LRRC37A2: variants seen among roughly 807,000 people sequenced by gnomAD.
The protein encoded by LRRC37A2 is leucine-rich repeat-containing protein 37A2.
In LRRC37A2, 9 loss-of-function variants were observed where a neutral mutation model predicts 68.8. The observed-to-expected ratio is 0.13, with a 90% confidence interval of 0.08 to 0.23. The LOEUF (loss-of-function observed/expected upper bound fraction) is 0.23, where lower values mean the gene tolerates loss of function less well. Ranked by LOEUF, LRRC37A2 falls within the 10% of genes least tolerant of loss-of-function variation. LRRC37A2 has a pLI of 1.00. For synonymous variants in LRRC37A2, 63 were observed against 367.6 expected, an observed-to-expected ratio of 0.17 and a Z score of 9.48; for missense variants, 168 against 950.4, an observed-to-expected ratio of 0.18 and a Z score of 10.82.
At chr17:46,920,951 T>C in the LRRC37A2 span, among the ~76,000 whole-genome samples, 1 of 151,960 alleles carries the variant, frequency 6.6e-6, no homozygotes, top group Non-Finnish European at 1.5e-5. Flanking sequence ...CCTTAACCAA[T>C]ACAAGTAAAA....
the LRRC37A2 span, among the ~76,000 whole-genome samples, chr17:46,732,093 G>A: frequency 1.3e-4 from 20 of 152,158 alleles, no homozygotes; most frequent in Non-Finnish European, 2.6e-4. Flanking sequence ...TTGTAGAAAT[G>A]CATAGAGTGA....
intron 3 of LRRC37A2, among the ~76,000 whole-genome samples, chr17:46,517,680 CTT>C (rs1180779573): frequency 1.4e-3 from 1 of 706 alleles, no homozygotes; most frequent in African/African-American, 0.015. Flanking sequence ...TTTTTGTTCT[CTT>C]TTTTTTTTTT....
the LRRC37A2 span, among the ~76,000 whole-genome samples, chr17:46,893,016 A>G: frequency 2.0e-5 from 3 of 151,810 alleles, no homozygotes; most frequent in African/African-American, 7.3e-5. Flanking sequence ...GCACACTGCA[A>G]CCTCTGCCTC....
the LRRC37A2 span, among the ~76,000 whole-genome samples, chr17:46,881,944 T>C: frequency 1.3e-5 from 2 of 152,194 alleles, no homozygotes; most frequent in South Asian, 4.1e-4. Context: ...AAAAATTATC[T>C]ACTACATAGT....
the LRRC37A2 span, among the ~76,000 whole-genome samples, chr17:46,942,240 C>CG: frequency 2.6e-5 from 4 of 152,294 alleles, no homozygotes; most frequent in South Asian, 8.3e-4. Context: ...CTGTCTCAAC[C>CG]GGGGGGTGAC....
the LRRC37A2 span, among the ~76,000 whole-genome samples, chr17:47,012,392 C>A: frequency 6.6e-6 from 1 of 151,952 alleles, no homozygotes; most frequent in African/African-American, 2.4e-5. Flanking sequence ...AATTGCATAT[C>A]ATCAAAATTA....
At chr17:46,783,167 G>T in the LRRC37A2 span, among the ~76,000 whole-genome samples, 1 of 152,206 alleles carries the variant, frequency 6.6e-6, no homozygotes, top group African/African-American at 2.4e-5. Context: ...GGAAGGGAAG[G>T]GTGAGGGTAG....
the LRRC37A2 span, among the ~76,000 whole-genome samples, chr17:46,847,995 T>TGTGTGC: frequency 2.0e-5 from 3 of 149,424 alleles, no homozygotes; most frequent in African/African-American, 7.4e-5. Context: ...TGTGTGTGTG[T>TGTGTGC]GCACGTGCAT....
the LRRC37A2 span, among the ~76,000 whole-genome samples, chr17:47,013,779 T>C: frequency 6.6e-6 from 1 of 152,206 alleles, no homozygotes; most frequent in Non-Finnish European, 1.5e-5. Context: ...GTGAAGAGAT[T>C]GTAAATATCA....
At chr17:46,711,124 G>A in the LRRC37A2 span, 1 of 1,493,298 alleles carries the variant, frequency 6.7e-7, no homozygotes, top group Non-Finnish European at 8.9e-7. Context: ...TGGAAGGTGA[G>A]AATGAATGAG....
chr17:46,831,066 A>C, the LRRC37A2 span: 1 of 279,958 alleles, frequency 3.6e-6, no homozygotes, highest in African/African-American at 2.2e-5. Flanking sequence ...TGTAAAGAAA[A>C]GTGTTCAAAA....
chr17:46,887,446 C>A, the LRRC37A2 span, among the ~76,000 whole-genome samples: 3,933 of 151,766 alleles, frequency 0.026, 80 homozygotes, highest in Middle Eastern at 0.054. Context: ...AAAAAAATCT[C>A]TATATAGATA....
At chr17:46,678,913 A>T in the LRRC37A2 span, among the ~76,000 whole-genome samples, 2 of 144,390 alleles carry the variant, frequency 1.4e-5, no homozygotes, top group African/African-American at 5.3e-5. Flanking sequence ...TAAATGGATG[A>T]ATGATCATAG....
the LRRC37A2 span, chr17:46,932,290 G>C: frequency 3.4e-6 from 5 of 1,476,852 alleles, no homozygotes; most frequent in Non-Finnish European, 4.7e-6. Context: ...TTTTGGGGGT[G>C]TCTGAAGAAG....
chr17:46,743,519 C>G, the LRRC37A2 span, among the ~76,000 whole-genome samples: 1 of 152,206 alleles, frequency 6.6e-6, no homozygotes, highest in Non-Finnish European at 1.5e-5. Context: ...ATAATCTACC[C>G]CAAATCACAC....
the LRRC37A2 span, among the ~76,000 whole-genome samples, chr17:46,759,049 A>G: frequency 6.2e-4 from 94 of 152,294 alleles, 1 homozygote; most frequent in African/African-American, 2.2e-3. Context: ...TACTAAAAAT[A>G]CACAATTAGC....
the LRRC37A2 span, among the ~76,000 whole-genome samples, chr17:46,867,743 C>T: frequency 3.6e-4 from 55 of 152,208 alleles, no homozygotes; most frequent in African/African-American, 8.2e-4. Flanking sequence ...AAGGAGGTTC[C>T]AGGAGGATCA....
the LRRC37A2 span, among the ~76,000 whole-genome samples, chr17:46,816,249 TTC>T: frequency 2.0e-5 from 3 of 151,228 alleles, no homozygotes; most frequent in African/African-American, 7.3e-5. Context: ...ACTTCTAGAC[TTC>T]TCTCTGTCTC....
chr17:46,847,744 T>A, the LRRC37A2 span, among the ~76,000 whole-genome samples: 2 of 151,932 alleles, frequency 1.3e-5, no homozygotes, highest in African/African-American at 2.4e-5. Flanking sequence ...TTGAGGGAGA[T>A]TAGAGGAGAG....
Sources: gnomAD v4.1 joint callset for allele counts (sites outside exome capture counted in the v4.1 genomes callset) on GRCh38, gnomAD v4.1.1 for gene constraint, MANE v1.5 for transcripts, NCBI Gene and HGNC (gene_info 2026-07-23, HGNC 2026-07-21) for gene names.